MRPL32: variants seen among roughly 807,000 people sequenced by gnomAD.
MRPL32 encodes the protein mitochondrial ribosomal protein L32.
Under a neutral mutation model 21.7 loss-of-function variants are expected in MRPL32, and 14 were observed. The observed-to-expected ratio is 0.64, with a 90% CI of 0.43 to 1.01. MRPL32 has a LOEUF of 1.01. Among genes scored for constraint, MRPL32 ranks in the 50% least tolerant of loss-of-function variants. The probability of loss-of-function intolerance (pLI) is 0.00; values close to 1 mark genes in which losing one functional copy is unlikely to be tolerated. For missense variants in MRPL32, 211 were observed against 235.9 expected, an observed-to-expected ratio of 0.89 and a Z score of 0.69; for synonymous variants, 83 against 87.7, an observed-to-expected ratio of 0.95 and a Z score of 0.30.
chr7:42,937,289 T>C (rs1358278180), intron 2 of MRPL32, 33 bp from the exon 3 acceptor site: 1 of 1,612,486 alleles, frequency 6.2e-7, no homozygotes, highest in Admixed American at 1.7e-5. Context: ...TATTGCCTCA[T>C]GTTAAAATAC....
In MRPL32 at chr7:42,934,985, T is replaced by C. The variant is rs779979254; in HGVS notation, c.161T>C (p.Met54Thr). ...GPALAVQGPAMFTEPANDTSG... is the reference protein window; with the variant it reads ...GPALAVQGPATFTEPANDTSG... The stretch of plus-strand genomic sequence containing the variant: ...GCATTAGCAGTACAGGGCCCAGCCA[T>C]GTTTACAGAGCCAGCAAATGATACC... The change falls in exon 2 of 3, where the codon ATG (methionine) becomes ACG (threonine). Residue 54 changes from methionine (M) to threonine (T), a missense_variant. Coordinates refer to ENST00000223324, the MANE Select transcript of MRPL32 (RefSeq NM_031903.3). The C allele has an allele frequency of 1.9e-6, 3 of 1,613,086 alleles. No homozygotes were observed. The highest frequency in any genetic ancestry group is 2.5e-6 in the Non-Finnish European group (3 of 1,179,678).
chr7:42,935,595 C>G (rs1472982839), intron 2 of MRPL32: 1 of 152,872 alleles, frequency 6.5e-6, no homozygotes, highest in African/African-American at 2.4e-5. Context: ...AAGGAAAACC[C>G]TAAGATAAGT....
intron 1 of MRPL32, 69 bp from the exon 2 acceptor site, chr7:42,934,886 A>G: frequency 7.9e-7 from 1 of 1,262,612 alleles, no homozygotes; most frequent in Non-Finnish European, 1.1e-6. Context: ...TGTTAAGGAA[A>G]ATGATATCTG....
At chr7:42,932,788 G>A (rs1786349808) in intron 1 of MRPL32, among the ~76,000 whole-genome samples, 1 of 151,564 alleles carries the variant, frequency 6.6e-6, no homozygotes, top group South Asian at 2.1e-4. Context: ...ATCATAGCCA[G>A]CCAGTAAGTA....
At chr7:42,937,199 A>T (rs781020349) in intron 2 of MRPL32, 123 bp from the exon 3 acceptor site, 2 of 1,583,940 alleles carry the variant, frequency 1.3e-6, no homozygotes, top group South Asian at 2.3e-5. Flanking sequence ...TAGATGGTGT[A>T]TGATGACCTC....
At chr7:42,936,961 G>T in intron 2 of MRPL32, 1 of 349,200 alleles carries the variant, frequency 2.9e-6, no homozygotes, top group East Asian at 7.4e-5. Context: ...TCTTATTTAA[G>T]ATGCTGATTG....
chr7:42,932,778 A>G (rs1786349123), intron 1 of MRPL32, among the ~76,000 whole-genome samples: 1 of 150,002 alleles, frequency 6.7e-6, no homozygotes, highest in Non-Finnish European at 1.5e-5. Context: ...TCAAAGATAA[A>G]TCATAGCCAG....
intron 1 of MRPL32, among the ~76,000 whole-genome samples, chr7:42,933,814 G>C (rs529837500): frequency 1.3e-5 from 2 of 152,234 alleles, no homozygotes; most frequent in Admixed American, 1.3e-4. Flanking sequence ...CTTTCCAACT[G>C]AAACAGTAGG....
At chr7:42,937,077 G>T (rs1471580380) in intron 2 of MRPL32, 8 of 790,392 alleles carry the variant, frequency 1.0e-5, no homozygotes, top group Non-Finnish European at 1.6e-5. Flanking sequence ...TACAACTGCT[G>T]TGTTTAAGTA....
At position 42,937,447 on chromosome 7, in the gene MRPL32, G is replaced by A; in HGVS notation, c.438G>A (p.Gly146=). The A allele has an allele frequency of 1.9e-6, 3 of 1,614,038 alleles. No homozygotes were observed. The highest frequency in any genetic ancestry group is 2.2e-5 in the South Asian group (2 of 91,074). ...GACGACAGATAGGGAAGCAAGAAGG[G>A]GGCCCTTTTAAGGCTCCCACCATAG... ...EIRRQIGKQE[G]GPFKAPTIET... The change falls in exon 3 of 3, where the codon GGG becomes GGA. Residue 146 remains glycine (G), a synonymous_variant. Coordinates refer to ENST00000223324, the MANE Select transcript of MRPL32 (RefSeq NM_031903.3).
At chr7:42,935,791 T>A (rs1156845686) in intron 2 of MRPL32, 1 of 152,240 alleles carries the variant, frequency 6.6e-6, no homozygotes, top group Non-Finnish European at 1.5e-5. Flanking sequence ...TTTCGAGCTC[T>A]GATTTTTGAC....
rs763009713 is a variant in MRPL32, at chr7:42,937,304, T to C, written c.313-18T>C. 3 of 1,612,782 alleles carry C rather than the reference T, an allele frequency of 1.9e-6. No individual in the cohort carries two copies. The highest frequency in any genetic ancestry group is 2.7e-5 in the African/African-American group (2 of 74,966). Reference sequence around the variant, plus strand: ...TATTGCCTCATGTTAAAATACGTTTTTGTTTATTGTTTTAAAGAACAACAT... The same window carrying C: ...TATTGCCTCATGTTAAAATACGTTTCTGTTTATTGTTTTAAAGAACAACAT... On this transcript the variant is annotated intron_variant, in intron 2 of 2. Coordinates refer to ENST00000223324, the MANE Select transcript of MRPL32 (RefSeq NM_031903.3).
chr7:42,933,514 T>C (rs74439056), intron 1 of MRPL32, among the ~76,000 whole-genome samples: 12,157 of 148,406 alleles, frequency 0.082, 576 homozygotes, highest in Middle Eastern at 0.12. Context: ...TTTCCTCCCT[T>C]CCTCCCTCCC....
chr7:42,935,939 C>T (rs1786416183), intron 2 of MRPL32: 1 of 152,146 alleles, frequency 6.6e-6, no homozygotes, highest in African/African-American at 2.4e-5. Context: ...CTGATCTGTT[C>T]ATGTATGGTT....
Position 42,935,067 on chromosome 7 carries a change from CA to C in MRPL32, c.248del (p.Asn83IlefsTer25). 1 of 1,613,968 alleles carries C rather than the reference CA, an allele frequency of 6.2e-7. No individual in the cohort carries two copies. The highest frequency in any genetic ancestry group is 8.5e-7 in the Non-Finnish European group (1 of 1,179,970). ...LDSIFWMAAP[K>X]NRRTIEVNRC... The stretch of plus-strand genomic sequence containing the variant: ...ACAGTATCTTTTGGATGGCAGCTCC[CA>C]AAAATAGACGCACCATTGAAGTTAA... On this transcript the variant is annotated frameshift_variant, in exon 2 of 3. Coordinates refer to ENST00000223324, the MANE Select transcript of MRPL32 (RefSeq NM_031903.3). LOFTEE classifies it high-confidence loss of function.
chr7:42,932,932 T>C (rs1225211322), intron 1 of MRPL32, among the ~76,000 whole-genome samples: 2 of 151,238 alleles, frequency 1.3e-5, no homozygotes, highest in African/African-American at 4.9e-5. Context: ...CTCTGTAGAG[T>C]CAGAGAAGTG....
intron 2 of MRPL32, 171 bp from the exon 3 acceptor site, chr7:42,937,151 T>TG (rs1182925222): frequency 2.0e-6 from 3 of 1,519,892 alleles, no homozygotes; most frequent in Admixed American, 2.0e-5. Context: ...AACTCAGTGT[T>TG]GCTTGTCTTC....
At chr7:42,935,408 G>C in intron 2 of MRPL32, 1 of 273,548 alleles carries the variant, frequency 3.7e-6, no homozygotes, top group South Asian at 8.5e-5. Context: ...CATGACTTCT[G>C]AATTGTGAGC....
chr7:42,934,689 A>G (rs1443457607), intron 1 of MRPL32, among the ~76,000 whole-genome samples: 1 of 152,218 alleles, frequency 6.6e-6, no homozygotes, highest in African/African-American at 2.4e-5. Context: ...CCTGTATTTT[A>G]TGAGATAAGA....
Sources: gnomAD v4.1 joint callset for allele counts (sites outside exome capture counted in the v4.1 genomes callset) on GRCh38, gnomAD v4.1.1 for gene constraint, MANE v1.5 for transcripts, NCBI Gene and HGNC (gene_info 2026-07-23, HGNC 2026-07-21) for gene names.